PTPRT: variants seen among roughly 807,000 people sequenced by gnomAD.
The protein encoded by PTPRT is protein tyrosine phosphatase receptor type T, also known as receptor-type tyrosine-protein phosphatase T.
In PTPRT, 56 loss-of-function variants were observed where a neutral mutation model predicts 176.8. That is an observed-to-expected ratio of 0.32 (90% CI 0.26 to 0.40). The LOEUF is 0.40. Ranked by LOEUF, PTPRT falls within the 10% of genes least tolerant of loss-of-function variation. The pLI is 1.00. For synonymous variants in PTPRT, 783 were observed against 739.0 expected (o/e 1.06, Z -0.96); for missense variants, 1,540 against 1,908.2 (o/e 0.81, Z 3.60).
At chr20:42,601,203 G>C (rs1356795911) in intron 7 of PTPRT, among the ~76,000 whole-genome samples, 1 of 152,058 alleles carries the variant, frequency 6.6e-6, no homozygotes, top group Non-Finnish European at 1.5e-5. Context: ...CAGTGCAAAA[G>C]ACCCCCTTTC....
chr20:42,400,439 T>C (rs1024639291), intron 9 of PTPRT, among the ~76,000 whole-genome samples: 3 of 152,014 alleles, frequency 2.0e-5, no homozygotes, highest in African/African-American at 7.2e-5. Context: ...AGAGAGGAGA[T>C]GGTATTTAAA....
intron 1 of PTPRT, among the ~76,000 whole-genome samples, chr20:43,000,740 T>C (rs992492327): frequency 2.0e-5 from 3 of 151,888 alleles, no homozygotes; most frequent in Non-Finnish European, 4.4e-5. Context: ...AACAAGGATC[T>C]AGAATGAGCG....
intron 2 of PTPRT, among the ~76,000 whole-genome samples, chr20:42,801,799 A>G (rs2077534871): frequency 1.3e-5 from 2 of 152,224 alleles, no homozygotes; most frequent in Non-Finnish European, 2.9e-5. Context: ...TGTTCCATGC[A>G]GATGAAATAG....
chr20:42,263,713 C>T (rs1299929970), intron 13 of PTPRT, among the ~76,000 whole-genome samples: 1 of 148,678 alleles, frequency 6.7e-6, no homozygotes, highest in Non-Finnish European at 1.5e-5. Flanking sequence ...TTCGTAGAGA[C>T]ATGGTCTCAC....
chr20:42,224,399 T>A (rs2146804250), intron 15 of PTPRT, among the ~76,000 whole-genome samples: 1 of 152,254 alleles, frequency 6.6e-6, no homozygotes, highest in Non-Finnish European at 1.5e-5. Flanking sequence ...CCTCAATACC[T>A]AAAAAAGGAA....
At chr20:43,109,600 C>T (rs971518305) in intron 1 of PTPRT, among the ~76,000 whole-genome samples, 3 of 152,038 alleles carry the variant, frequency 2.0e-5, no homozygotes, top group African/African-American at 7.2e-5. Context: ...CAGACATGGT[C>T]CCTTCCTTCA....
chr20:42,675,562 A>G (rs775720270), intron 7 of PTPRT, among the ~76,000 whole-genome samples: 2 of 152,246 alleles, frequency 1.3e-5, no homozygotes, highest in East Asian at 1.9e-4. Context: ...TGTATATGCT[A>G]TCGATAAGCA....
At chr20:42,523,740 A>C (rs2072219255) in intron 7 of PTPRT, among the ~76,000 whole-genome samples, 1 of 151,994 alleles carries the variant, frequency 6.6e-6, no homozygotes. Flanking sequence ...TTCATGTTTA[A>C]ATTTCTAAAC....
chr20:42,797,893 G>T (rs2145574514), intron 2 of PTPRT, among the ~76,000 whole-genome samples: 1 of 152,232 alleles, frequency 6.6e-6, no homozygotes, highest in South Asian at 2.1e-4. Flanking sequence ...ACTAGAAAAG[G>T]TGAGAAAACA....
At chr20:42,789,261 G>C (rs1303512229) in intron 3 of PTPRT, among the ~76,000 whole-genome samples, 1 of 152,158 alleles carries the variant, frequency 6.6e-6, no homozygotes, top group Non-Finnish European at 1.5e-5. Context: ...TAGTATTTTG[G>C]ATACGTTGGT....
chr20:42,899,958 C>T (rs2145912250), intron 1 of PTPRT, among the ~76,000 whole-genome samples: 1 of 152,296 alleles, frequency 6.6e-6, no homozygotes, highest in South Asian at 2.1e-4. Flanking sequence ...CCGTGCTAGT[C>T]CATTTCCATG....
chr20:42,393,642 A>G (rs937852799), intron 9 of PTPRT, among the ~76,000 whole-genome samples: 2 of 152,136 alleles, frequency 1.3e-5, no homozygotes, highest in African/African-American at 4.8e-5. Flanking sequence ...AAAGTACCAT[A>G]TTTATTGTAG....
chr20:42,956,585 C>CTT, intron 1 of PTPRT, among the ~76,000 whole-genome samples: 1 of 147,920 alleles, frequency 6.8e-6, no homozygotes, highest in East Asian at 2.0e-4. Flanking sequence ...AAATCTCTCT[C>CTT]TTTTTTTTTT....
chr20:42,666,204 T>C (rs2075314044), intron 7 of PTPRT, among the ~76,000 whole-genome samples: 1 of 152,214 alleles, frequency 6.6e-6, no homozygotes, highest in African/African-American at 2.4e-5. Flanking sequence ...CAGGACCTGT[T>C]ATGAAAATTC....
intron 1 of PTPRT, among the ~76,000 whole-genome samples, chr20:43,031,435 G>A (rs1229209958): frequency 6.6e-6 from 1 of 152,142 alleles, no homozygotes; most frequent in African/African-American, 2.4e-5. Context: ...TGAATCTGCT[G>A]GAACCTTGAT....
At chr20:42,536,037 C>T (rs1369494155) in intron 7 of PTPRT, among the ~76,000 whole-genome samples, 2 of 152,032 alleles carry the variant, frequency 1.3e-5, no homozygotes, top group African/African-American at 4.8e-5. Context: ...CTCACCATCC[C>T]TCAGGGAAGA....
chr20:42,834,366 C>T (rs145105594), intron 2 of PTPRT, among the ~76,000 whole-genome samples: 13 of 152,204 alleles, frequency 8.5e-5, no homozygotes, highest in Middle Eastern at 3.4e-3. Flanking sequence ...AAAAAAAATG[C>T]TAACTGCAGG....
intron 1 of PTPRT, among the ~76,000 whole-genome samples, chr20:42,950,366 C>T (rs1006898994): frequency 7.2e-5 from 11 of 152,192 alleles, no homozygotes; most frequent in African/African-American, 2.4e-4. Context: ...GACTCTTTCA[C>T]GCTTTATTTT....
Position 42,873,516 on chromosome 20 carries a change from T to C in PTPRT, c.214+12291A>G, listed in dbSNP as rs536438322. Among the ~76,000 whole-genome samples the C allele has an allele frequency of 2.5e-3, 377 of 152,312 alleles. 1 individual carries two copies. The highest frequency in any genetic ancestry group is 4.6e-3 in the Non-Finnish European group (314 of 68,022). ...AGAGTATTGACCAATAGAAACACAATGTGAGCCACGTATGCAATTCTAAAT... is the reference window on the plus strand; with the variant it reads ...AGAGTATTGACCAATAGAAACACAACGTGAGCCACGTATGCAATTCTAAAT... On this transcript the variant is annotated intron_variant, in intron 2 of 30. Coordinates refer to ENST00000373187, the MANE Select transcript of PTPRT (RefSeq NM_007050.6).
Sources: gnomAD v4.1 joint callset for allele counts (sites outside exome capture counted in the v4.1 genomes callset) on GRCh38, gnomAD v4.1.1 for gene constraint, MANE v1.5 for transcripts, NCBI Gene and HGNC (gene_info 2026-07-23, HGNC 2026-07-21) for gene names.